Variants in PYGB observed in about 807,000 individuals in gnomAD.
PYGB encodes glycogen phosphorylase B.
Under a neutral mutation model 94.3 loss-of-function variants are expected in PYGB, and 82 were observed. That is an observed-to-expected ratio of 0.87 (90% CI 0.73 to 1.04). PYGB has a LOEUF of 1.04. Among genes scored for constraint, PYGB ranks in the 50% least tolerant of loss-of-function variants. The pLI, the probability that PYGB is intolerant of heterozygous loss-of-function variation, is 0.00. For synonymous variants in PYGB, 488 were observed against 479.1 expected, an observed-to-expected ratio of 1.02 and a Z score of -0.24; for missense variants, 1,132 against 1,158.2, an observed-to-expected ratio of 0.98 and a Z score of 0.33.
rs540381645 is a variant in PYGB, at chr20:25,293,958, T to C, written c.2178-200T>C. 142 of 628,794 alleles carry C rather than the reference T, an allele frequency of 2.3e-4. No homozygotes were observed. The African/African-American group carries it at 2.4e-3, about 11-fold the overall frequency. 39.0% of individuals were successfully genotyped at this position (628,794 alleles called of 1,614,324 possible). On this transcript the variant is annotated intron_variant, in intron 17 of 19. Coordinates refer to ENST00000216962, the MANE Select transcript of PYGB (RefSeq NM_002862.4). ...CAGGTGGGATTGGCTTTAGACTGAC[T>C]TCACATCTCTGCTCGAGCAGGTCCC...
intron 8 of PYGB, 115 bp from the exon 9 acceptor site, chr20:25,278,942 T>C: frequency 1.1e-6 from 1 of 888,332 alleles, no homozygotes; most frequent in South Asian, 1.6e-5. Flanking sequence ...TCCAGGCTTC[T>C]CGGGGGTGGG....
At chr20:25,277,354 T>C in intron 7 of PYGB, 28 bp downstream of exon 7, 1 of 1,521,110 alleles carries the variant, frequency 6.6e-7, no homozygotes, top group Non-Finnish European at 9.1e-7. Context: ...GCACTCTTGC[T>C]CAGGCCGTAT....
chr20:25,291,947 C>T (rs971345817), intron 16 of PYGB, among the ~76,000 whole-genome samples: 1 of 152,160 alleles, frequency 6.6e-6, no homozygotes, highest in African/African-American at 2.4e-5. Context: ...CAGCTGCTGG[C>T]GCCCAGGAGG....
At position 25,296,540 on chromosome 20, in the gene PYGB, G is replaced by A. The variant is rs199901904; in HGVS notation, c.*18G>A. Reference sequence around the variant, plus strand: ...GGGACTAGGCACACCCTGCCTTGGCGGGACCAGCGGGCATTTGTTTTCTTG... The same window carrying A: ...GGGACTAGGCACACCCTGCCTTGGCAGGACCAGCGGGCATTTGTTTTCTTG... On this transcript the variant is annotated 3_prime_UTR_variant, in exon 20 of 20. Transcript: ENST00000216962. 17 of 1,596,752 alleles carry A rather than the reference G, an allele frequency of 1.1e-5. No homozygotes were observed. The highest frequency in any genetic ancestry group is 2.7e-5 in the African/African-American group (2 of 74,434).
chr20:25,278,389 T>C lies in PYGB; in HGVS notation c.926T>C (p.Ile309Thr), dbSNP rs1600733003. Reference protein sequence around the residue: ...FVVAATLQDIIRRFKSSKFGC... With the variant: ...FVVAATLQDITRRFKSSKFGC... ...GTGGCCGCCACGCTCCAGGACATCA[T>C]CCGCCGCTTCAAGTCGTCCAAGTTC... is the stretch of plus-strand genomic sequence containing the variant. The change falls in exon 8 of 20, where the codon ATC becomes ACC. Residue 309 changes from isoleucine (I) to threonine (T), a missense_variant. Transcript: ENST00000216962. The C allele has an allele frequency of 1.2e-6, 2 of 1,606,370 alleles. No individual in the cohort carries two copies. Among genetic ancestry groups the C allele is most frequent in the South Asian group, 2.2e-5 (2 of 90,812 alleles).
chr20:25,296,548 C>G lies in PYGB; in HGVS notation c.*26C>G, dbSNP rs200991582. ...GCACACCCTGCCTTGGCGGGACCAGCGGGCATTTGTTTTCTTGCTGACTTT... is the reference window on the plus strand; with the variant it reads ...GCACACCCTGCCTTGGCGGGACCAGGGGGCATTTGTTTTCTTGCTGACTTT... On this transcript the variant is annotated 3_prime_UTR_variant, in exon 20 of 20. Transcript: ENST00000216962. 1.9e-6 allele frequency: 3 copies of G among 1,590,976 alleles called. No individual in the cohort carries two copies. Among genetic ancestry groups the G allele is most frequent in the Non-Finnish European group, 1.7e-6 (2 of 1,168,558 alleles).
chr20:25,296,607 CACTGGT>C lies in PYGB; in HGVS notation c.*86_*91del. On this transcript the variant is annotated 3_prime_UTR_variant, in exon 20 of 20. Transcript: ENST00000216962. ...TTTTTTCCCCAAACACTTTGCCAGC[CACTGGT>C]GGTCCCTGCTTTTCTGAGTACCATG... 6.7e-7 allele frequency: 1 copy of C among 1,494,530 alleles called. No individual in the cohort carries two copies. The highest frequency in any genetic ancestry group is 9.0e-7 in the Non-Finnish European group (1 of 1,111,724). 92.6% of individuals were successfully genotyped at this position (1,494,530 alleles called of 1,614,324 possible).
At chr20:25,282,794 G>A (rs1456775508) in intron 12 of PYGB, among the ~76,000 whole-genome samples, 1 of 152,224 alleles carries the variant, frequency 6.6e-6, no homozygotes, top group African/African-American at 2.4e-5. Flanking sequence ...CCTGGGTGAG[G>A]TGCTGGCTTT....
intron 15 of PYGB, 187 bp downstream of exon 15, chr20:25,288,670 C>G: frequency 1.5e-6 from 1 of 664,098 alleles, no homozygotes. Flanking sequence ...ATGGAAGCCT[C>G]CTGCCTGCCC....
chr20:25,275,590 C>T (rs2088304225), intron 5 of PYGB, among the ~76,000 whole-genome samples: 2 of 152,230 alleles, frequency 1.3e-5, no homozygotes, highest in Non-Finnish European at 2.9e-5. Flanking sequence ...GGGGCCATGC[C>T]ATGGAGGCTG....
chr20:25,281,262 G>A, intron 11 of PYGB, 150 bp downstream of exon 11: 3 of 1,137,740 alleles, frequency 2.6e-6, no homozygotes, highest in Non-Finnish European at 3.7e-6. Context: ...GAGCTGCCCA[G>A]AACACCCTGT....
At chr20:25,296,287 A>C (rs2088542827) in intron 19 of PYGB, 83 bp from the exon 20 acceptor site, 10 of 1,530,716 alleles carry the variant, frequency 6.5e-6, no homozygotes, top group Middle Eastern at 1.7e-4. Context: ...ATTTGGAAAC[A>C]GTCCTAAAGT....
At chr20:25,251,949 A>G (rs1368669305) in intron 1 of PYGB, among the ~76,000 whole-genome samples, 1 of 152,242 alleles carries the variant, frequency 6.6e-6, no homozygotes, top group Non-Finnish European at 1.5e-5. Context: ...AAGATGATCT[A>G]GAGAAGTGTT....
chr20:25,271,027 C>A (rs562475742), intron 3 of PYGB, among the ~76,000 whole-genome samples: 31 of 152,248 alleles, frequency 2.0e-4, no homozygotes, highest in African/African-American at 7.5e-4. Flanking sequence ...TCAGAACAGC[C>A]TGGGTTTCAG....
At chr20:25,249,753 A>G (rs1242245714) in intron 1 of PYGB, among the ~76,000 whole-genome samples, 1 of 152,224 alleles carries the variant, frequency 6.6e-6, no homozygotes, top group Non-Finnish European at 1.5e-5. Flanking sequence ...AACAGGTTAT[A>G]ACAAGGGCTT....
intron 2 of PYGB, among the ~76,000 whole-genome samples, chr20:25,262,944 AG>A (rs1281448331): frequency 6.6e-6 from 1 of 152,238 alleles, no homozygotes; most frequent in Non-Finnish European, 1.5e-5. Flanking sequence ...CACCCAATAC[AG>A]GAGCACCCAG....
intron 3 of PYGB, among the ~76,000 whole-genome samples, chr20:25,271,063 C>G (rs1210938749): frequency 6.6e-6 from 1 of 152,124 alleles, no homozygotes; most frequent in Non-Finnish European, 1.5e-5. Flanking sequence ...ATTGGCGAGG[C>G]CTCAGCCTCA....
Position 25,297,197 on chromosome 20 carries a change from C to T in PYGB, c.*675C>T, listed in dbSNP as rs1417275619. The T allele has an allele frequency of 1.3e-5, 2 of 152,524 alleles. No individual in the cohort carries two copies. Among genetic ancestry groups the T allele is most frequent in the African/African-American group, 4.8e-5 (2 of 41,474 alleles). 9.4% of individuals were successfully genotyped at this position (152,524 alleles called of 1,614,324 possible). On this transcript the variant is annotated 3_prime_UTR_variant, in exon 20 of 20. Transcript: ENST00000216962. Reference sequence around the variant, plus strand: ...GAACCCGGGATGACTGAGGGGGACACTGGAGTGGGTGCTTGTGTCTGCTGT... The same window carrying T: ...GAACCCGGGATGACTGAGGGGGACATTGGAGTGGGTGCTTGTGTCTGCTGT...
At chr20:25,282,814 G>A (rs757625105) in intron 12 of PYGB, among the ~76,000 whole-genome samples, 14 of 152,214 alleles carry the variant, frequency 9.2e-5, no homozygotes, top group Non-Finnish European at 1.6e-4. Context: ...TGAGGGGACC[G>A]CCTGCTTCAG....
Sources: allele counts gnomAD v4.1 joint callset (sites outside exome capture counted in the v4.1 genomes callset), GRCh38; gene constraint gnomAD v4.1.1; transcripts MANE v1.5; gene names NCBI Gene and HGNC (gene_info 2026-07-23, HGNC 2026-07-21).